The following SLC4A8 variants were observed in gnomAD, a reference collection of about 807,000 sequenced individuals.
SLC4A8 encodes solute carrier family 4 member 8, also known as electroneutral sodium bicarbonate exchanger 1.
A neutral mutation model predicts 125.0 loss-of-function variants in SLC4A8; 40 were observed. The ratio of observed to expected loss-of-function variants is 0.32; its 90% CI spans 0.25 to 0.42. The LOEUF is 0.42. Among genes scored for constraint, SLC4A8 ranks in the 10% least tolerant of loss-of-function variants. SLC4A8 has a pLI of 1.00. For synonymous variants in SLC4A8, 456 were observed against 476.0 expected, an observed-to-expected ratio of 0.96 and a Z score of 0.55; for missense variants, 863 against 1,355.1, an observed-to-expected ratio of 0.64 and a Z score of 5.70.
chr12:51,471,274 G>T lies in SLC4A8; in HGVS notation c.1659-13G>T. On this transcript the variant is annotated splice_polypyrimidine_tract_variant and intron_variant, in intron 13 of 24. Transcript: ENST00000453097. Reference sequence around the variant, plus strand: ...CCATCCATGCGTTCTGATGAACTTTGGTCTTGTTTCAGAGACTATGCTCTT... The same window carrying T: ...CCATCCATGCGTTCTGATGAACTTTTGTCTTGTTTCAGAGACTATGCTCTT... 6.2e-7 allele frequency: 1 copy of T among 1,605,812 alleles called. No individual in the cohort carries two copies. The highest frequency in any genetic ancestry group is 8.5e-7 in the Non-Finnish European group (1 of 1,178,192).
At chr12:51,464,950 A>G (rs1950467710) in intron 11 of SLC4A8, among the ~76,000 whole-genome samples, 1 of 152,166 alleles carries the variant, frequency 6.6e-6, no homozygotes, top group South Asian at 2.1e-4. Flanking sequence ...GGGTAGGGGA[A>G]GATAGCTGTG....
At chr12:51,468,389 A>T (rs537583699) in intron 11 of SLC4A8, among the ~76,000 whole-genome samples, 31 of 152,310 alleles carry the variant, frequency 2.0e-4, no homozygotes, top group African/African-American at 7.0e-4. Flanking sequence ...TCCAGAATGT[A>T]TGTTTGATTA....
upstream of SLC4A8, among the ~76,000 whole-genome samples, chr12:51,420,500 G>A (rs906972465): frequency 2.6e-5 from 4 of 152,128 alleles, no homozygotes; most frequent in African/African-American, 4.8e-5. Context: ...GATCATATAC[G>A]TAAGGTGCCT....
intron 1 of SLC4A8, among the ~76,000 whole-genome samples, chr12:51,409,949 G>T (rs1948564154): frequency 6.6e-6 from 1 of 152,216 alleles, no homozygotes; most frequent in Admixed American, 6.5e-5. Flanking sequence ...GTCGGGTGCG[G>T]GTTCTGCATG....
rs747205789 is a variant in SLC4A8, at chr12:51,493,384, T to TTGTG, written c.2701-302_2701-299dup. Among the ~76,000 whole-genome samples the TTGTG allele has an allele frequency of 1.7e-4, 26 of 149,352 alleles. No individual in the cohort carries two copies. The East Asian group carries it at 3.5e-3, about 20-fold the overall frequency. ...TTATTTCTATAAGAGAGGGGTGCGT[T>TTGTG]TGTGTGTGTGTGTGTGTGTGTTTGT... On this transcript the variant is annotated intron_variant, in intron 19 of 24. Transcript: ENST00000453097.
At chr12:51,446,533 C>T (rs1014354769) in intron 2 of SLC4A8, among the ~76,000 whole-genome samples, 4 of 152,150 alleles carry the variant, frequency 2.6e-5, no homozygotes, top group Non-Finnish European at 5.9e-5. Context: ...CCTTAGGAAA[C>T]CCCATTGCTG....
At chr12:51,432,704 A>G (rs958003327) in intron 1 of SLC4A8, among the ~76,000 whole-genome samples, 1 of 152,184 alleles carries the variant, frequency 6.6e-6, no homozygotes, top group Non-Finnish European at 1.5e-5. Flanking sequence ...GCCTGGTGAC[A>G]GAGCGAGACT....
intron 22 of SLC4A8, among the ~76,000 whole-genome samples, chr12:51,501,564 C>T (rs936632147): frequency 3.3e-5 from 5 of 152,216 alleles, no homozygotes; most frequent in African/African-American, 1.2e-4. Context: ...CATTGATGGG[C>T]ACCTGGGTTG....
rs1951265474 is a variant in SLC4A8 at position 51,489,961 on chromosome 12, C to T, written c.2700+10C>T. 2 of 1,612,686 alleles carry T rather than the reference C, an allele frequency of 1.2e-6. No homozygotes were observed. Among genetic ancestry groups the T allele is most frequent in the South Asian group, 2.2e-5 (2 of 91,054 alleles). On this transcript the variant is annotated intron_variant, in intron 19 of 24. Coordinates refer to ENST00000453097, the MANE Select transcript of SLC4A8 (RefSeq NM_001039960.3). ...GACGGCTATCTTAAAGGTAATCATCCTTTCAGTCATTCAGCAAATATCAAG... is the reference window on the plus strand; with the variant it reads ...GACGGCTATCTTAAAGGTAATCATCTTTTCAGTCATTCAGCAAATATCAAG...
intron 1 of SLC4A8, among the ~76,000 whole-genome samples, chr12:51,401,585 C>T (rs1264884245): frequency 3.9e-5 from 6 of 152,182 alleles, no homozygotes; most frequent in Non-Finnish European, 8.8e-5. Flanking sequence ...CCTGTGCGTT[C>T]CTCTACTGAT....
At chr12:51,482,665 C>G (rs914712932) in intron 16 of SLC4A8, among the ~76,000 whole-genome samples, 1 of 152,206 alleles carries the variant, frequency 6.6e-6, no homozygotes, top group Non-Finnish European at 1.5e-5. Flanking sequence ...CAGGCGTGAG[C>G]CACCGTGCCT....
intron 1 of SLC4A8, among the ~76,000 whole-genome samples, chr12:51,414,782 A>G (rs182322985): frequency 6.6e-6 from 1 of 152,306 alleles, no homozygotes; most frequent in Non-Finnish European, 1.5e-5. Context: ...CTCATTCAGT[A>G]TATTAGGTGT....
chr12:51,401,003 C>A (rs1948380707), intron 1 of SLC4A8, among the ~76,000 whole-genome samples: 1 of 151,262 alleles, frequency 6.6e-6, no homozygotes, highest in Admixed American at 6.6e-5. Context: ...AGGGGAGTGG[C>A]TCGCTTCTTT....
intron 2 of SLC4A8, 97 bp from the exon 3 acceptor site, chr12:51,450,779 T>G: frequency 7.6e-7 from 1 of 1,309,852 alleles, no homozygotes. Flanking sequence ...ACCAAAGAAC[T>G]GTGATATTTT....
At chr12:51,476,303 G>A (rs551809402) in intron 16 of SLC4A8, among the ~76,000 whole-genome samples, 1 of 152,216 alleles carries the variant, frequency 6.6e-6, no homozygotes, top group African/African-American at 2.4e-5. Flanking sequence ...CCAACATGCT[G>A]AAACCCATCT....
chr12:51,414,628 G>C (rs1370939544), intron 1 of SLC4A8, among the ~76,000 whole-genome samples: 1 of 152,096 alleles, frequency 6.6e-6, no homozygotes, highest in Non-Finnish European at 1.5e-5. Flanking sequence ...CTTAAGTCTG[G>C]GAGGTTGAGG....
chr12:51,425,289 G>T lies in SLC4A8; in HGVS notation c.48+254G>T, dbSNP rs1026438786. 8 of 1,295,972 alleles carry T rather than the reference G, an allele frequency of 6.2e-6. No homozygotes were observed. In the South Asian group the frequency reaches 9.1e-5, roughly 15 times the overall value. 80.3% of individuals were successfully genotyped at this position (1,295,972 alleles called of 1,614,324 possible). A position where few individuals can be genotyped will look rare whatever the true frequency, so the allele number is the denominator to read the frequency against. On this transcript the variant is annotated intron_variant, in intron 1 of 24. Transcript: ENST00000453097. The stretch of plus-strand genomic sequence containing the variant: ...CATCCCTTGCGCCGCCCGCCCAGGA[G>T]CCCTGACAGCCGGCGGGCGGCGACC...
intron 7 of SLC4A8, among the ~76,000 whole-genome samples, 159 bp downstream of exon 7, chr12:51,458,809 T>C (rs1018898507): frequency 6.6e-6 from 1 of 152,214 alleles, no homozygotes; most frequent in African/African-American, 2.4e-5. Context: ...TCTGCATGTC[T>C]TTTCCCTTCT....
At chr12:51,471,588 G>T in intron 14 of SLC4A8, 56 bp downstream of exon 14, 1 of 1,577,042 alleles carries the variant, frequency 6.3e-7, no homozygotes, top group Non-Finnish European at 8.6e-7. Context: ...GAGTTTAATT[G>T]CTGATGTAGA....
Sources: gnomAD v4.1 joint callset for allele counts (sites outside exome capture counted in the v4.1 genomes callset) on GRCh38, gnomAD v4.1.1 for gene constraint, MANE v1.5 for transcripts, NCBI Gene and HGNC (gene_info 2026-07-23, HGNC 2026-07-21) for gene names.